Variants in CCDC138 observed in about 807,000 individuals in gnomAD.
CCDC138 encodes the protein coiled-coil domain-containing protein 138.
CCDC138 carries 66 observed loss-of-function variants against 82.3 expected under a neutral mutation model. The observed-to-expected ratio is 0.80, with a 90% CI of 0.66 to 0.98. The LOEUF (loss-of-function observed/expected upper bound fraction) is 0.98, where lower values mean the gene tolerates loss of function less well. CCDC138 is among the 50% of genes least tolerant of loss of function. The probability of loss-of-function intolerance (pLI) is 0.00; values close to 1 mark genes in which losing one functional copy is unlikely to be tolerated. For synonymous variants in CCDC138, 297 were observed against 265.4 expected (o/e 1.12, Z -1.16); for missense variants, 816 against 758.9 (o/e 1.08, Z -0.88).
At chr2:108,866,345 G>A (rs1198370131) in intron 13 of CCDC138, among the ~76,000 whole-genome samples, 3 of 152,322 alleles carry the variant, frequency 2.0e-5, no homozygotes, top group South Asian at 2.1e-4. Flanking sequence ...CATCTGCAAA[G>A]CATTTGTCTT....
At chr2:108,855,946 G>T (rs945744602) in intron 12 of CCDC138, among the ~76,000 whole-genome samples, 4 of 151,810 alleles carry the variant, frequency 2.6e-5, no homozygotes, top group African/African-American at 7.3e-5. Flanking sequence ...AGCATGAACG[G>T]TTTTTTTTCC....
chr2:108,839,981 G>C lies in CCDC138; in HGVS notation c.1323+680G>C, dbSNP rs138262198. 4.8e-4 allele frequency among the ~76,000 whole-genome samples: 73 copies of C among 152,064 alleles called. 2 individuals carry two copies. In the South Asian group the frequency reaches 7.5e-3, roughly 16 times the overall value. ...GGAAAATTCATTCTGCCATTACTAA[G>C]TATAATATTAGCTGTAGTATTTTCA... is the stretch of plus-strand genomic sequence containing the variant. On this transcript the variant is annotated intron_variant, in intron 11 of 14. Coordinates refer to ENST00000295124, the MANE Select transcript of CCDC138 (RefSeq NM_144978.3).
In CCDC138 at chr2:108,875,937, A is replaced by G. The variant is rs1381994369; in HGVS notation, c.1833-151A>G. 18 of 566,214 alleles carry G rather than the reference A, an allele frequency of 3.2e-5. No individual in the cohort carries two copies. In the Admixed American group the frequency reaches 4.8e-4, roughly 15 times the overall value. The allele number at this position is 566,214 out of a possible 1,614,324, so 35.1% of individuals were successfully genotyped here. ...TCATAAAACCTATTTTGTTTGTTTC[A>G]GCATTCTAATCTTTTAGTTGCCTAT... On this transcript the variant is annotated intron_variant, in intron 14 of 14. Coordinates refer to ENST00000295124, the MANE Select transcript of CCDC138 (RefSeq NM_144978.3).
chr2:108,861,785 C>A (rs545936622), intron 13 of CCDC138, among the ~76,000 whole-genome samples: 3 of 151,986 alleles, frequency 2.0e-5, no homozygotes, highest in Admixed American at 2.0e-4. Flanking sequence ...CCGGCCTAAA[C>A]CTCGGCCTCC....
chr2:108,800,000 T>G (rs1229782508), intron 6 of CCDC138, among the ~76,000 whole-genome samples: 1 of 152,218 alleles, frequency 6.6e-6, no homozygotes, highest in Non-Finnish European at 1.5e-5. Context: ...TGTCTTTATA[T>G]TTACATCTAT....
intron 12 of CCDC138, among the ~76,000 whole-genome samples, chr2:108,850,989 C>T (rs1440616915): frequency 1.3e-5 from 2 of 152,170 alleles, no homozygotes; most frequent in African/African-American, 4.8e-5. Flanking sequence ...CCAAGGCTGC[C>T]TCGTGCCACA....
At chr2:108,866,471 T>C (rs1284583772) in intron 13 of CCDC138, among the ~76,000 whole-genome samples, 1 of 152,270 alleles carries the variant, frequency 6.6e-6, no homozygotes, top group Admixed American at 6.5e-5. Flanking sequence ...TTGAGAATTA[T>C]CTTGGTACCA....
chr2:108,841,580 T>C (rs1231776006), intron 11 of CCDC138, among the ~76,000 whole-genome samples: 1 of 152,206 alleles, frequency 6.6e-6, no homozygotes, highest in Non-Finnish European at 1.5e-5. Flanking sequence ...ATTTGATTCA[T>C]GTTCTAAAAA....
chr2:108,867,084 G>A (rs1694536241), intron 13 of CCDC138, among the ~76,000 whole-genome samples: 1 of 152,054 alleles, frequency 6.6e-6, no homozygotes, highest in Non-Finnish European at 1.5e-5. Context: ...GAGTCACTGG[G>A]TTGAGAACTG....
intron 4 of CCDC138, among the ~76,000 whole-genome samples, chr2:108,792,078 A>G (rs58121855): frequency 6.6e-6 from 1 of 152,232 alleles, no homozygotes; most frequent in Admixed American, 6.5e-5. Context: ...TTTGACTACA[A>G]TATTTTGAGA....
At chr2:108,850,204 T>G (rs1691219331) in intron 12 of CCDC138, among the ~76,000 whole-genome samples, 1 of 152,174 alleles carries the variant, frequency 6.6e-6, no homozygotes, top group Admixed American at 6.5e-5. Context: ...AAGAGTAGAC[T>G]TAACTCTAGT....
chr2:108,812,313 T>G (rs909386022), intron 7 of CCDC138, among the ~76,000 whole-genome samples: 1 of 152,186 alleles, frequency 6.6e-6, no homozygotes, highest in Non-Finnish European at 1.5e-5. Flanking sequence ...GATTTTATAC[T>G]TTTCTTTATA....
At chr2:108,787,261 C>G (rs931517146) in intron 1 of CCDC138, among the ~76,000 whole-genome samples, 3 of 152,220 alleles carry the variant, frequency 2.0e-5, no homozygotes, top group African/African-American at 7.2e-5. Context: ...TAATTTCGGA[C>G]TTACTCAAAA....
intron 12 of CCDC138, among the ~76,000 whole-genome samples, chr2:108,851,244 G>C (rs898690686): frequency 1.3e-5 from 2 of 152,118 alleles, no homozygotes; most frequent in African/African-American, 2.4e-5. Flanking sequence ...ATCTCCATAT[G>C]TCCAGCCGTC....
At chr2:108,852,388 T>C (rs1307588862) in intron 12 of CCDC138, among the ~76,000 whole-genome samples, 1 of 152,144 alleles carries the variant, frequency 6.6e-6, no homozygotes, top group Non-Finnish European at 1.5e-5. Flanking sequence ...AACCCAACAA[T>C]CCCATTACTG....
intron 9 of CCDC138, among the ~76,000 whole-genome samples, chr2:108,815,134 A>G (rs184592486): frequency 1.3e-3 from 201 of 152,232 alleles, no homozygotes; most frequent in Admixed American, 3.0e-3. Flanking sequence ...CTAGGAAAAA[A>G]ATGTTCATAT....
chr2:108,821,139 C>T (rs1410835718), intron 10 of CCDC138, among the ~76,000 whole-genome samples: 2 of 152,146 alleles, frequency 1.3e-5, no homozygotes, highest in Non-Finnish European at 2.9e-5. Context: ...AGGTGGATCA[C>T]CTGAGGTCAG....
Position 108,875,092 on chromosome 2 carries a change from C to T in CCDC138, c.1833-996C>T, listed in dbSNP as rs977063549. 1.5e-4 allele frequency among the ~76,000 whole-genome samples: 22 copies of T among 151,598 alleles called. 1 individual carries two copies. The highest frequency in any genetic ancestry group is 5.3e-4 in the African/African-American group (22 of 41,258). On this transcript the variant is annotated intron_variant, in intron 14 of 14. Coordinates refer to ENST00000295124, the MANE Select transcript of CCDC138 (RefSeq NM_144978.3). ...TGCTCAAGCAGATCTTAAAATAAAT[C>T]TTTAAGACCACAAAAGATGTAAATC...
intron 4 of CCDC138, 53 bp downstream of exon 4, chr2:108,791,855 G>A (rs1217266291): frequency 6.7e-7 from 1 of 1,498,630 alleles, no homozygotes; most frequent in East Asian, 2.3e-5. Context: ...GTCAAGTAGA[G>A]TAAATGAAGC....
Sources: gnomAD v4.1 joint callset for allele counts (sites outside exome capture counted in the v4.1 genomes callset) on GRCh38, gnomAD v4.1.1 for gene constraint, MANE v1.5 for transcripts, NCBI Gene and HGNC (gene_info 2026-07-23, HGNC 2026-07-21) for gene names.